Variants in AGTPBP1 observed in about 807,000 individuals in gnomAD.
The protein encoded by AGTPBP1 is cytosolic carboxypeptidase 1.
In AGTPBP1, 70 loss-of-function variants were observed where a neutral mutation model predicts 143.9. The ratio of observed to expected loss-of-function variants is 0.49; its 90% CI spans 0.40 to 0.59. The LOEUF (loss-of-function observed/expected upper bound fraction) is 0.59. AGTPBP1 is among the 20% of genes least tolerant of loss of function. AGTPBP1 has a pLI of 0.00. For synonymous variants in AGTPBP1, 463 were observed against 500.2 expected (o/e 0.93, Z 0.99); for missense variants, 1,229 against 1,464.5 (o/e 0.84, Z 2.62).
intron 12 of AGTPBP1, among the ~76,000 whole-genome samples, chr9:85,646,111 G>C (rs192637097): frequency 1.3e-5 from 2 of 152,160 alleles, no homozygotes; most frequent in Admixed American, 6.5e-5. Flanking sequence ...TCTGGTCAGA[G>C]AGAGTGAAAA....
chr9:85,761,970 A>C, the AGTPBP1 span, among the ~76,000 whole-genome samples: 1 of 152,264 alleles, frequency 6.6e-6, no homozygotes, highest in Non-Finnish European at 1.5e-5. Flanking sequence ...GGATATGAAC[A>C]GAAGCTTCTC....
At chr9:85,720,993 T>C (rs1328003139) in intron 1 of AGTPBP1, among the ~76,000 whole-genome samples, 1 of 152,228 alleles carries the variant, frequency 6.6e-6, no homozygotes, top group Non-Finnish European at 1.5e-5. Context: ...AGTTTCTTAA[T>C]CCTGAGTTCT....
chr9:85,625,524 A>G (rs1831215116), intron 14 of AGTPBP1, among the ~76,000 whole-genome samples: 1 of 152,136 alleles, frequency 6.6e-6, no homozygotes, highest in South Asian at 2.1e-4. Flanking sequence ...AATATCTTGA[A>G]TGTTTTTTAA....
the AGTPBP1 span, among the ~76,000 whole-genome samples, chr9:85,774,606 T>A: frequency 6.6e-6 from 1 of 152,180 alleles, no homozygotes; most frequent in Non-Finnish European, 1.5e-5. Context: ...TGATCTGGCC[T>A]CATTTTACCT....
chr9:85,708,771 G>C (rs545501910), intron 2 of AGTPBP1, among the ~76,000 whole-genome samples: 1 of 152,094 alleles, frequency 6.6e-6, no homozygotes, highest in African/African-American at 2.4e-5. Context: ...CCTGACCTCA[G>C]GTGATCTGCC....
At chr9:85,601,258 C>T (rs879447565) in intron 17 of AGTPBP1, among the ~76,000 whole-genome samples, 1 of 152,182 alleles carries the variant, frequency 6.6e-6, no homozygotes, top group Non-Finnish European at 1.5e-5. Context: ...ACCAGCACTG[C>T]TGCTGCCCTC....
At chr9:85,794,499 A>G in the AGTPBP1 span, among the ~76,000 whole-genome samples, 3 of 152,180 alleles carry the variant, frequency 2.0e-5, no homozygotes, top group African/African-American at 7.2e-5. Flanking sequence ...ACTCAATTTT[A>G]TTCCACTGGT....
intron 14 of AGTPBP1, among the ~76,000 whole-genome samples, chr9:85,623,489 TCGTGCCTGTAATCTCAGCAC>T (rs1190744972): frequency 6.6e-6 from 1 of 152,104 alleles, no homozygotes; most frequent in Non-Finnish European, 1.5e-5. Flanking sequence ...GCATGGTGGC[TCGTGCCTGTAATCTCAGCAC>T]TCTGGGAGGC....
chr9:85,792,202 A>C, the AGTPBP1 span: 1 of 152,212 alleles, frequency 6.6e-6, no homozygotes, highest in Non-Finnish European at 1.5e-5. Flanking sequence ...GGCTGGATTA[A>C]TTTTATTCAT....
At chr9:85,724,262 G>A (rs1374455833) in intron 1 of AGTPBP1, among the ~76,000 whole-genome samples, 2 of 145,376 alleles carry the variant, frequency 1.4e-5, no homozygotes, top group African/African-American at 5.1e-5. Context: ...ACTCCAGCCT[G>A]TGCAACAGAG....
intron 13 of AGTPBP1, among the ~76,000 whole-genome samples, chr9:85,637,334 T>C (rs758133643): frequency 1.3e-5 from 2 of 152,140 alleles, no homozygotes; most frequent in Non-Finnish European, 2.9e-5. Flanking sequence ...TGAGCCACCA[T>C]GCCTGGCCAC....
At chr9:85,796,979 G>A in the AGTPBP1 span, among the ~76,000 whole-genome samples, 1 of 151,792 alleles carries the variant, frequency 6.6e-6, no homozygotes, top group Non-Finnish European at 1.5e-5. Flanking sequence ...TAGAGACAGG[G>A]TTTCACCGTG....
chr9:85,569,850 T>C (rs1827348393), intron 25 of AGTPBP1, among the ~76,000 whole-genome samples: 1 of 152,224 alleles, frequency 6.6e-6, no homozygotes, highest in Non-Finnish European at 1.5e-5. Context: ...TCATTTATCA[T>C]TCCATACTTA....
chr9:85,789,240 G>A, the AGTPBP1 span, among the ~76,000 whole-genome samples: 9 of 151,928 alleles, frequency 5.9e-5, no homozygotes, highest in African/African-American at 1.9e-4. Context: ...ATATATTCTG[G>A]AAATCAACCT....
the AGTPBP1 span, among the ~76,000 whole-genome samples, chr9:85,760,007 T>C: frequency 6.6e-6 from 1 of 152,016 alleles, no homozygotes; most frequent in Non-Finnish European, 1.5e-5. Flanking sequence ...GCAAATAAAC[T>C]AGAAAATCTA....
At chr9:85,712,470 CTT>C in intron 2 of AGTPBP1, 30 bp downstream of exon 2, 1 of 1,242,270 alleles carries the variant, frequency 8.0e-7, no homozygotes, top group Non-Finnish European at 1.1e-6. Flanking sequence ...ATTTCTGTAA[CTT>C]ATGCATACTG....
In AGTPBP1 at chr9:85,681,305, C is replaced by G. The variant is rs764508777; in HGVS notation, c.188G>C (p.Gly63Ala). Residue 63 changes from glycine to alanine, a missense_variant, in exon 4 of 26, where the codon GGT (glycine) becomes GCT (alanine). Physicochemically the swap from Gly to Ala is moderately conservative, Grantham distance 60 (BLOSUM62 0). Coordinates refer to ENST00000357081, the MANE Select transcript of AGTPBP1 (RefSeq NM_001330701.2). Reference sequence around the variant, plus strand: ...CAGCAGAATTTCCATTCCTGTAGAACCTTTGGCTGTCATTTCTCTCCTTGT... The same window carrying G: ...CAGCAGAATTTCCATTCCTGTAGAAGCTTTGGCTGTCATTTCTCTCCTTGT... ...EKTRREMTAK[G>A]STGMEILLST... 6.2e-7 allele frequency: 1 copy of G among 1,612,254 alleles called. No homozygotes were observed. The highest frequency in any genetic ancestry group is 2.2e-5 in the East Asian group (1 of 44,788).
At chr9:85,691,553 G>C (rs1835880793) in intron 3 of AGTPBP1, among the ~76,000 whole-genome samples, 1 of 149,362 alleles carries the variant, frequency 6.7e-6, no homozygotes, top group Non-Finnish European at 1.5e-5. Flanking sequence ...GTGTGTGTGT[G>C]TGTGTGTGTG....
the AGTPBP1 span, among the ~76,000 whole-genome samples, chr9:85,762,609 T>G: frequency 9.1e-6 from 1 of 109,812 alleles, no homozygotes; most frequent in African/African-American, 3.9e-5. Context: ...CATCACACAC[T>G]GGGGCCTGTT....
Sources: allele counts gnomAD v4.1 joint callset (sites outside exome capture counted in the v4.1 genomes callset), GRCh38; gene constraint gnomAD v4.1.1; transcripts MANE v1.5; gene names NCBI Gene and HGNC (gene_info 2026-07-23, HGNC 2026-07-21).